Variants in ZDHHC11 observed in about 807,000 individuals in gnomAD.
The protein encoded by ZDHHC11 is palmitoyltransferase ZDHHC11.
In ZDHHC11, 44 loss-of-function variants were observed where a neutral mutation model predicts 51.3. The observed-to-expected ratio is 0.86, with a 90% CI of 0.67 to 1.10. The LOEUF (loss-of-function observed/expected upper bound fraction) is 1.10. ZDHHC11 is among the 50% of genes least tolerant of loss of function. The pLI is 0.00. For synonymous variants in ZDHHC11, 163 were observed against 222.0 expected (o/e 0.73, Z 2.36); for missense variants, 400 against 537.7 (o/e 0.74, Z 2.53).
intron 6 of ZDHHC11, among the ~76,000 whole-genome samples, chr5:834,185 G>C (rs1579692776): frequency 6.6e-6 from 1 of 152,286 alleles, no homozygotes. Flanking sequence ...GCATTCTCCT[G>C]GGTGTGTGGT....
upstream of ZDHHC11, among the ~76,000 whole-genome samples, chr5:859,342 T>C (rs889156082): frequency 4.6e-5 from 7 of 152,234 alleles, no homozygotes; most frequent in African/African-American, 1.7e-4. Context: ...TGTCTGTTCT[T>C]ATCAGCCTGC....
At chr5:803,020 CA>C (rs70957307) in intron 11 of ZDHHC11, among the ~76,000 whole-genome samples, 101 of 138,666 alleles carry the variant, frequency 7.3e-4, no homozygotes, top group Middle Eastern at 3.6e-3. Flanking sequence ...GACTCTATCT[CA>C]AAAAAAAAAA....
intron 3 of ZDHHC11, among the ~76,000 whole-genome samples, chr5:844,669 C>G (rs1035151793): frequency 6.6e-6 from 1 of 152,308 alleles, no homozygotes; most frequent in Non-Finnish European, 1.5e-5. Flanking sequence ...GCTCAGGGAC[C>G]TGGATCTCTG....
chr5:808,062 A>G (rs1231299933), intron 11 of ZDHHC11, among the ~76,000 whole-genome samples: 25 of 150,384 alleles, frequency 1.7e-4, no homozygotes, highest in African/African-American at 5.9e-4. Flanking sequence ...CCAGAGTGTG[A>G]CCTTCCGTGG....
chr5:859,068 G>A (rs1748653061), upstream of ZDHHC11, among the ~76,000 whole-genome samples: 1 of 152,076 alleles, frequency 6.6e-6, no homozygotes, highest in Non-Finnish European at 1.5e-5. Context: ...GGGACAAGGG[G>A]GCATGAGGAG....
chr5:828,165 T>C (rs1742549312), intron 7 of ZDHHC11, among the ~76,000 whole-genome samples: 1 of 151,440 alleles, frequency 6.6e-6, no homozygotes, highest in Admixed American at 6.6e-5. Context: ...AACCATCCGA[T>C]TTCTCAATCT....
intron 11 of ZDHHC11, among the ~76,000 whole-genome samples, chr5:812,412 G>A (rs1460335059): frequency 6.6e-6 from 1 of 151,780 alleles, no homozygotes; most frequent in Non-Finnish European, 1.5e-5. Context: ...TTAAAAGTGC[G>A]CAAACCTTTG....
At chr5:808,128 G>T (rs1579560197) in intron 11 of ZDHHC11, among the ~76,000 whole-genome samples, 1 of 150,322 alleles carries the variant, frequency 6.7e-6, no homozygotes, top group African/African-American at 2.5e-5. Context: ...CTTCAGGTGG[G>T]TCCTTCTGAA....
intron 8 of ZDHHC11, 54 bp from the exon 9 acceptor site, chr5:821,949 TA>T (rs1352809435): frequency 6.0e-6 from 9 of 1,510,748 alleles, no homozygotes; most frequent in East Asian, 2.3e-5. Context: ...AACTTATTCT[TA>T]AAAAAAATTC....
At chr5:799,765 A>G (rs1192431953) in intron 12 of ZDHHC11, among the ~76,000 whole-genome samples, 2 of 151,672 alleles carry the variant, frequency 1.3e-5, no homozygotes, top group Non-Finnish European at 2.9e-5. Context: ...CATACCACTG[A>G]GACAATTTTT....
chr5:844,905 T>G (rs1233832440), intron 3 of ZDHHC11, among the ~76,000 whole-genome samples: 1 of 152,306 alleles, frequency 6.6e-6, no homozygotes, highest in Non-Finnish European at 1.5e-5. Context: ...GAACATACTT[T>G]GACTAAACCA....
At chr5:819,909 G>A (rs572258660) in intron 9 of ZDHHC11, among the ~76,000 whole-genome samples, 2 of 151,400 alleles carry the variant, frequency 1.3e-5, no homozygotes, top group Admixed American at 6.6e-5. Context: ...GACAGGTAGT[G>A]TCCTCCGTTA....
chr5:813,691 G>A (rs1740384816), intron 11 of ZDHHC11, among the ~76,000 whole-genome samples: 1 of 150,170 alleles, frequency 6.7e-6, no homozygotes, highest in Non-Finnish European at 1.5e-5. Context: ...CAGGACGGCT[G>A]CAGCTGCTGT....
chr5:821,080 C>A (rs1304591631), intron 9 of ZDHHC11: 1 of 151,474 alleles, frequency 6.6e-6, no homozygotes, highest in African/African-American at 2.4e-5. Flanking sequence ...AACAATAAAT[C>A]CCAACTGGCC....
chr5:812,384 C>G (rs1302659759), intron 11 of ZDHHC11, among the ~76,000 whole-genome samples: 2 of 151,994 alleles, frequency 1.3e-5, no homozygotes, highest in Non-Finnish European at 2.9e-5. Flanking sequence ...TTAGTATCGA[C>G]AATACAAACA....
At chr5:799,318 T>C (rs1738078001) in intron 12 of ZDHHC11, among the ~76,000 whole-genome samples, 1 of 151,216 alleles carries the variant, frequency 6.6e-6, no homozygotes, top group East Asian at 1.9e-4. Context: ...CTTCACCTTC[T>C]GCTGTTAGTG....
intron 3 of ZDHHC11, among the ~76,000 whole-genome samples, chr5:847,116 G>C (rs1320841632): frequency 1.3e-5 from 2 of 151,744 alleles, no homozygotes; most frequent in Admixed American, 1.3e-4. Context: ...ACCATGCTCA[G>C]GGGAAACACC....
chr5:835,424 G>A (rs1300779194), intron 6 of ZDHHC11, among the ~76,000 whole-genome samples: 2 of 151,778 alleles, frequency 1.3e-5, no homozygotes, highest in Non-Finnish European at 2.9e-5. Flanking sequence ...CTCTGTCGGT[G>A]CCACACTGTT....
chr5:814,596 A>C (rs1320967078), intron 11 of ZDHHC11, among the ~76,000 whole-genome samples, 165 bp downstream of exon 11: 1 of 151,624 alleles, frequency 6.6e-6, no homozygotes, highest in African/African-American at 2.4e-5. Flanking sequence ...GATGAGTGCA[A>C]TAAGCCACAT....
Sources: gnomAD v4.1 joint callset for allele counts (sites outside exome capture counted in the v4.1 genomes callset) on GRCh38, gnomAD v4.1.1 for gene constraint, MANE v1.5 for transcripts, NCBI Gene and HGNC (gene_info 2026-07-23, HGNC 2026-07-21) for gene names.